Variants in NPC1 observed in about 807,000 individuals in gnomAD.
The protein encoded by NPC1 is NPC intracellular cholesterol transporter 1, also known as Niemann-Pick C1 protein.
NPC1 carries 85 observed loss-of-function variants against 140.4 expected under a neutral mutation model. The ratio of observed to expected loss-of-function variants is 0.61; its 90% CI spans 0.51 to 0.72. NPC1 has a LOEUF of 0.72. Among genes scored for constraint, NPC1 ranks in the 30% least tolerant of loss-of-function variants. The pLI is 0.00. For missense variants in NPC1, 1,504 were observed against 1,623.8 expected (o/e 0.93, Z 1.27); for synonymous variants, 656 against 624.8 (o/e 1.05, Z -0.74).
rs533447039 is a variant in NPC1, at chr18:23,571,105, G to A, written c.287+969C>T. 7.9e-5 allele frequency among the ~76,000 whole-genome samples: 12 copies of A among 152,238 alleles called. 1 individual carries two copies. In the South Asian group the frequency reaches 1.7e-3, roughly 21 times the overall value. On this transcript the variant is annotated intron_variant, in intron 3 of 24. Coordinates refer to ENST00000269228, the MANE Select transcript of NPC1 (RefSeq NM_000271.5). ...AGACACCCTGCAGGGTGAGAACATC[G>A]CAGAGGAAACCAAGCATCAACTCTG...
At chr18:23,578,931 T>C (rs1454256991) in intron 1 of NPC1, among the ~76,000 whole-genome samples, 2 of 152,204 alleles carry the variant, frequency 1.3e-5, no homozygotes, top group Non-Finnish European at 2.9e-5. Context: ...GACCCGGCAG[T>C]GTCTCTGGTG....
At chr18:23,526,605 T>C (rs771487547), downstream of NPC1, 4 of 1,610,788 alleles carry the variant, frequency 2.5e-6, no homozygotes, top group South Asian at 3.3e-5. Context: ...GTTTGCATCA[T>C]ACTGTTTTAT....
At position 23,556,299 on chromosome 18, in the gene NPC1, G is replaced by T; in HGVS notation, c.1270C>A (p.Pro424Thr). 1.2e-6 allele frequency: 2 copies of T among 1,614,076 alleles called. No homozygotes were observed. The highest frequency in any genetic ancestry group is 1.7e-6 in the Non-Finnish European group (2 of 1,180,014). The change falls in exon 8 of 25, where the codon CCT (proline) becomes ACT (threonine). Residue 424 changes from proline (P) to threonine (T), a missense_variant. Transcript: ENST00000269228. ...LTDKHIYQPYPSGADVPFGPP... is the reference protein window; with the variant it reads ...LTDKHIYQPYTSGADVPFGPP... ...CCAAAGGGTACATCAGCTCCCGAAG[G>T]GTATGGCTGGTAAATGTGTTTGTCA...
At chr18:23,513,765 CTT>C (rs1434798791) in intron 3 of NPC1, among the ~76,000 whole-genome samples, 1 of 152,100 alleles carries the variant, frequency 6.6e-6, no homozygotes, top group Non-Finnish European at 1.5e-5. Flanking sequence ...GATTTGCGCT[CTT>C]TGTTGATTAG....
intron 3 of NPC1, among the ~76,000 whole-genome samples, chr18:23,507,718 T>C (rs2145133578): frequency 6.6e-6 from 1 of 152,290 alleles, no homozygotes. Context: ...CATCAGCTGC[T>C]TGAGGAATGA....
At chr18:23,584,462 AAG>A (rs1384006377) in intron 1 of NPC1, among the ~76,000 whole-genome samples, 1 of 152,218 alleles carries the variant, frequency 6.6e-6, no homozygotes, top group Admixed American at 6.5e-5. Flanking sequence ...GCATTTTTGC[AAG>A]AGACTTACAA....
intron 3 of NPC1, among the ~76,000 whole-genome samples, chr18:23,571,119 G>A (rs1223636344): frequency 6.6e-6 from 1 of 152,048 alleles, no homozygotes; most frequent in Non-Finnish European, 1.5e-5. Flanking sequence ...AGGAAACCAA[G>A]CATCAACTCT....
chr18:23,506,781 C>T, intron 3 of NPC1: 1 of 487,000 alleles, frequency 2.1e-6, no homozygotes, highest in Non-Finnish European at 3.7e-6. Context: ...GTAAGTTTCC[C>T]AGCAAGTTCT....
intron 11 of NPC1, among the ~76,000 whole-genome samples, chr18:23,547,785 G>C (rs1176021532): frequency 1.3e-5 from 2 of 151,662 alleles, no homozygotes; most frequent in Non-Finnish European, 2.9e-5. Flanking sequence ...ACCTTTTTTT[G>C]CACACTTTTG....
At chr18:23,539,580 G>T in intron 18 of NPC1, 110 bp from the exon 19 acceptor site, 1 of 850,244 alleles carries the variant, frequency 1.2e-6, no homozygotes, top group Non-Finnish European at 1.9e-6. Flanking sequence ...ACTGCTAACA[G>T]TCAAAAGAAA....
In NPC1 at chr18:23,531,500, TAGGAA is replaced by T; in HGVS notation, c.*697_*701del. The T allele has an allele frequency of 6.8e-7, 1 of 1,479,676 alleles. No homozygotes were observed. The allele number at this position is 1,479,676 out of a possible 1,614,324, so 91.7% of individuals were successfully genotyped here. ...AAGCAGATAGGGTAACCCCAAAACTTAGGAAAACAATGTATTTTATTAAAGAAAAA... is the reference window on the plus strand; with the variant it reads ...AAGCAGATAGGGTAACCCCAAAACTTAACAATGTATTTTATTAAAGAAAAA... On this transcript the variant is annotated 3_prime_UTR_variant, in exon 25 of 25. Transcript: ENST00000269228.
rs1186978498 is a variant in NPC1 at position 23,586,270 on chromosome 18, G to A, written c.57+17C>T. 1.8e-5 allele frequency: 28 copies of A among 1,531,704 alleles called. No individual in the cohort carries two copies. Among genetic ancestry groups the A allele is most frequent in the African/African-American group, 4.1e-5 (3 of 72,784 alleles). 94.9% of individuals were successfully genotyped at this position (1,531,704 alleles called of 1,614,324 possible). Reference sequence around the variant, plus strand: ...CCACGTCCCCACAGGGCGTCCCGGTGGCCGGCGACCGCTCACCTGCGCTGG... The same window carrying A: ...CCACGTCCCCACAGGGCGTCCCGGTAGCCGGCGACCGCTCACCTGCGCTGG... On this transcript the variant is annotated intron_variant, in intron 1 of 24. Coordinates refer to ENST00000269228, the MANE Select transcript of NPC1 (RefSeq NM_000271.5).
intron 4 of NPC1, among the ~76,000 whole-genome samples, chr18:23,563,472 G>C (rs866497001): frequency 2.0e-5 from 3 of 152,218 alleles, no homozygotes; most frequent in African/African-American, 4.8e-5. Flanking sequence ...ACAGATTGGA[G>C]TGCAGTGGTG....
Position 23,531,787 on chromosome 18 carries a change from A to T in NPC1, c.*415T>A. 1 of 1,552,270 alleles carries T rather than the reference A, an allele frequency of 6.4e-7. No homozygotes were observed. Among genetic ancestry groups the T allele is most frequent in the South Asian group, 1.2e-5 (1 of 81,376 alleles). ...AAAGCTCTTTAAACTATAAAATGTT[A>T]TAAAGTGTATCTACAACCTCAACTG... On this transcript the variant is annotated 3_prime_UTR_variant, in exon 25 of 25. Coordinates refer to ENST00000269228, the MANE Select transcript of NPC1 (RefSeq NM_000271.5).
chr18:23,528,904 A>G, downstream of NPC1: 3 of 274,734 alleles, frequency 1.1e-5, no homozygotes, highest in South Asian at 5.9e-5. Context: ...TTTGAGACGG[A>G]GTTTTGTTCT....
intron 22 of NPC1, 54 bp downstream of exon 22, chr18:23,535,415 T>C: frequency 7.8e-7 from 1 of 1,284,364 alleles, no homozygotes; most frequent in South Asian, 1.2e-5. Flanking sequence ...AGACAGCCAA[T>C]TCCCCCAAGT....
At chr18:23,571,988 G>A (rs1050813300) in intron 3 of NPC1, 86 bp downstream of exon 3, 1 of 709,760 alleles carries the variant, frequency 1.4e-6, no homozygotes. Context: ...ATAAAAATAT[G>A]TAAACAAAGA....
Position 23,534,410 on chromosome 18 carries a change from C to T in NPC1, c.3591+36G>A, listed in dbSNP as rs760422893. The T allele has an allele frequency of 1.8e-5, 24 of 1,364,402 alleles. No individual in the cohort carries two copies. The East Asian group carries it at 3.2e-4, about 18-fold the overall frequency. The allele number at this position is 1,364,402 out of a possible 1,614,324, so 84.5% of individuals were successfully genotyped here. On this transcript the variant is annotated intron_variant, in intron 23 of 24. Transcript: ENST00000269228. ...CACTGAGGAGGATTACTTTGTGGTG[C>T]GACTCTGCCGGCGTGGCCCTGCTCA...
At chr18:23,516,357 A>G (rs533549598) in intron 3 of NPC1, 1 of 1,614,256 alleles carries the variant, frequency 6.2e-7, no homozygotes, top group African/African-American at 1.3e-5. Context: ...TTTGAGATTG[A>G]ATTACCAGCT....
Sources: allele counts gnomAD v4.1 joint callset (sites outside exome capture counted in the v4.1 genomes callset), GRCh38; gene constraint gnomAD v4.1.1; transcripts MANE v1.5; gene names NCBI Gene and HGNC (gene_info 2026-07-23, HGNC 2026-07-21).